BAZ2B: variants seen among roughly 807,000 people sequenced by gnomAD.
BAZ2B encodes the protein bromodomain adjacent to zinc finger domain protein 2B.
Under a neutral mutation model 246.0 loss-of-function variants are expected in BAZ2B, and 91 were observed. That is an observed-to-expected ratio of 0.37 (90% CI 0.31 to 0.44). The LOEUF is 0.44. BAZ2B is among the 20% of genes least tolerant of loss of function. The pLI is 1.00. For synonymous variants in BAZ2B, 855 were observed against 860.0 expected (o/e 0.99, Z 0.10); for missense variants, 2,332 against 2,533.7 (o/e 0.92, Z 1.71).
chr2:159,391,855 T>A (rs946450202), intron 20 of BAZ2B, among the ~76,000 whole-genome samples: 5 of 152,208 alleles, frequency 3.3e-5, no homozygotes, highest in Admixed American at 1.3e-4. Context: ...GACAAGCATT[T>A]ATTACTGTCT....
At chr2:159,637,121 G>A in the BAZ2B span, among the ~76,000 whole-genome samples, 2 of 152,210 alleles carry the variant, frequency 1.3e-5, no homozygotes, top group African/African-American at 2.4e-5. Flanking sequence ...CCCAGCTATG[G>A]TGGCTATGGT....
At position 159,510,365 on chromosome 2, in the gene BAZ2B, C is replaced by T. The variant is rs76532136; in HGVS notation, c.-2-31644G>A. ...TTTTTGTAGAGCAAAGGTCTCACTA[C>T]ATTGCCCAGGCTGGCCTTGAACTCC... On this transcript the variant is annotated intron_variant, in intron 2 of 36. Transcript: ENST00000392783. Among the ~76,000 whole-genome samples the T allele has an allele frequency of 1.9e-3, 291 of 152,136 alleles. 7 individuals carry two copies. The East Asian group carries it at 0.026, about 14-fold the overall frequency.
the BAZ2B span, among the ~76,000 whole-genome samples, chr2:159,663,855 C>CTTT: frequency 2.8e-4 from 26 of 92,478 alleles, 1 homozygote; most frequent in East Asian, 5.2e-3. Flanking sequence ...AAACCATTTT[C>CTTT]TTTTTTTTTT....
chr2:159,505,405 T>G (rs1289884050), intron 2 of BAZ2B, among the ~76,000 whole-genome samples: 1 of 152,160 alleles, frequency 6.6e-6, no homozygotes, highest in Non-Finnish European at 1.5e-5. Flanking sequence ...TCAGAATCTC[T>G]GGGGGTGGGG....
At chr2:159,517,302 A>G (rs972192636) in intron 2 of BAZ2B, among the ~76,000 whole-genome samples, 1 of 151,892 alleles carries the variant, frequency 6.6e-6, no homozygotes, top group Non-Finnish European at 1.5e-5. Context: ...CTTTGTCCAT[A>G]GTTTTTTTTT....
chr2:159,438,143 A>C, intron 8 of BAZ2B, 160 bp downstream of exon 8: 2 of 673,600 alleles, frequency 3.0e-6, no homozygotes, highest in Non-Finnish European at 4.9e-6. Context: ...ATATAAAATC[A>C]GAGAAATTTA....
intron 35 of BAZ2B, among the ~76,000 whole-genome samples, chr2:159,325,390 C>T: frequency 6.6e-6 from 1 of 151,322 alleles, no homozygotes. Context: ...CTTGACCTCT[C>T]AAAGTGCTGG....
At chr2:159,393,713 C>T (rs1050506655) in intron 20 of BAZ2B, among the ~76,000 whole-genome samples, 3 of 152,302 alleles carry the variant, frequency 2.0e-5, no homozygotes, top group Admixed American at 2.0e-4. Flanking sequence ...AGAACTGTAG[C>T]GGACTCACTC....
At chr2:159,547,288 A>T (rs567620480) in intron 2 of BAZ2B, among the ~76,000 whole-genome samples, 1 of 152,318 alleles carries the variant, frequency 6.6e-6, no homozygotes, top group East Asian at 1.9e-4. Context: ...ATGCATTCAC[A>T]TAAGGACAGC....
At chr2:159,674,371 GA>G in the BAZ2B span, among the ~76,000 whole-genome samples, 1 of 144,300 alleles carries the variant, frequency 6.9e-6, no homozygotes, top group African/African-American at 2.5e-5. Context: ...AAAGGAAAAG[GA>G]AGGGAAGGGA....
At chr2:159,324,234 G>C (rs1035970138) in intron 36 of BAZ2B, among the ~76,000 whole-genome samples, 2 of 152,088 alleles carry the variant, frequency 1.3e-5, no homozygotes, top group African/African-American at 4.8e-5. Flanking sequence ...CTTGGAATAG[G>C]ATTGCAAAGA....
chr2:159,440,582 C>T (rs1329827322), intron 6 of BAZ2B, among the ~76,000 whole-genome samples: 3 of 150,412 alleles, frequency 2.0e-5, no homozygotes, highest in African/African-American at 4.9e-5. Context: ...AGTGGCACGA[C>T]CTCAGCTCAC....
At chr2:159,656,110 C>T in the BAZ2B span, among the ~76,000 whole-genome samples, 1 of 151,962 alleles carries the variant, frequency 6.6e-6, no homozygotes, top group African/African-American at 2.4e-5. Context: ...AGTAACTTGC[C>T]TGGACTTAAA....
At chr2:159,350,619 G>A (rs895792460) in intron 27 of BAZ2B, among the ~76,000 whole-genome samples, 4 of 152,040 alleles carry the variant, frequency 2.6e-5, no homozygotes, top group Non-Finnish European at 5.9e-5. Flanking sequence ...CTTCCAGGCT[G>A]GAGTGCAATG....
At chr2:159,648,782 T>C in the BAZ2B span, among the ~76,000 whole-genome samples, 1 of 152,224 alleles carries the variant, frequency 6.6e-6, no homozygotes, top group African/African-American at 2.4e-5. Flanking sequence ...TGAACGTTTA[T>C]ATAAGAAATT....
chr2:159,376,267 C>G (rs2061405248), intron 25 of BAZ2B, among the ~76,000 whole-genome samples: 1 of 152,238 alleles, frequency 6.6e-6, no homozygotes, highest in Non-Finnish European at 1.5e-5. Context: ...TAAGAAGATG[C>G]AGGTACAGCC....
chr2:159,317,933 C>G (rs2062280211), downstream of BAZ2B, among the ~76,000 whole-genome samples: 1 of 152,170 alleles, frequency 6.6e-6, no homozygotes, highest in Non-Finnish European at 1.5e-5. Flanking sequence ...CAGTGTTTAA[C>G]AGCTACCTCT....
chr2:159,426,181 G>A (rs1023952984), intron 13 of BAZ2B, among the ~76,000 whole-genome samples: 15 of 152,100 alleles, frequency 9.9e-5, no homozygotes, highest in Admixed American at 4.6e-4. Flanking sequence ...GGAAAACACT[G>A]ATTATATTTA....
intron 35 of BAZ2B, among the ~76,000 whole-genome samples, 178 bp from the exon 36 acceptor site, chr2:159,325,132 T>TATATA (rs2063495599): frequency 2.5e-5 from 1 of 40,698 alleles, no homozygotes; most frequent in African/African-American, 9.5e-5. Flanking sequence ...TATATATATA[T>TATATA]ATATATATAT....
Sources: gnomAD v4.1 joint callset for allele counts (sites outside exome capture counted in the v4.1 genomes callset) on GRCh38, gnomAD v4.1.1 for gene constraint, MANE v1.5 for transcripts, NCBI Gene and HGNC (gene_info 2026-07-23, HGNC 2026-07-21) for gene names.